Variants in ZC3H13 observed in about 807,000 individuals in gnomAD.
ZC3H13 encodes the protein zinc finger CCCH domain-containing protein 13.
In ZC3H13, 64 loss-of-function variants were observed where a neutral mutation model predicts 204.1. The ratio of observed to expected loss-of-function variants is 0.31; its 90% CI spans 0.26 to 0.39. The LOEUF is 0.39. Among genes scored for constraint, ZC3H13 ranks in the 10% least tolerant of loss-of-function variants. The probability of loss-of-function intolerance (pLI) is 1.00; values close to 1 mark genes in which losing one functional copy is unlikely to be tolerated. For missense variants in ZC3H13, 1,833 were observed against 2,082.7 expected, an observed-to-expected ratio of 0.88 and a Z score of 2.33; for synonymous variants, 667 against 693.7, an observed-to-expected ratio of 0.96 and a Z score of 0.60.
In ZC3H13 at chr13:45,954,677, T is replaced by C. The variant is rs1951194083; in HGVS notation, c.*2450A>G. On this transcript the variant is annotated 3_prime_UTR_variant, in exon 19 of 19. Coordinates refer to ENST00000679008, the MANE Select transcript of ZC3H13 (RefSeq NM_001330564.2). ...TGTAAAAGCATCACCAACAATAGTA[T>C]GTACCTTAATCTTTACACAATTGGA... The C allele has an allele frequency of 6.6e-6, 1 of 152,352 alleles. No homozygotes were observed. Among genetic ancestry groups the C allele is most frequent in the African/African-American group, 2.4e-5 (1 of 41,588 alleles). The allele number at this position is 152,352 out of a possible 1,614,324, so 9.4% of individuals were successfully genotyped here. A position where few individuals can be genotyped will look rare whatever the true frequency, so the allele number is the denominator to read the frequency against.
At chr13:46,014,069 C>T (rs763603315) in intron 5 of ZC3H13, among the ~76,000 whole-genome samples, 5 of 152,180 alleles carry the variant, frequency 3.3e-5, no homozygotes, top group Non-Finnish European at 7.4e-5. Context: ...AGTAGCAATG[C>T]AAACTAGTAC....
chr13:45,970,934 T>G (rs1033758258), intron 12 of ZC3H13, among the ~76,000 whole-genome samples: 1 of 152,204 alleles, frequency 6.6e-6, no homozygotes, highest in Non-Finnish European at 1.5e-5. Flanking sequence ...CAGCCTTAAG[T>G]AAGTTCCTTG....
chr13:46,008,357 A>T (rs1468448614), intron 7 of ZC3H13, among the ~76,000 whole-genome samples: 1 of 152,032 alleles, frequency 6.6e-6, no homozygotes, highest in East Asian at 1.9e-4. Context: ...TACTCAATTA[A>T]ATGTTTTCTT....
intron 8 of ZC3H13, among the ~76,000 whole-genome samples, chr13:45,995,948 G>A (rs1297659698): frequency 6.6e-6 from 1 of 152,160 alleles, no homozygotes; most frequent in Non-Finnish European, 1.5e-5. Flanking sequence ...GCTATGCTCT[G>A]AGTACTATTT....
intron 8 of ZC3H13, among the ~76,000 whole-genome samples, chr13:45,993,310 G>A (rs2040097479): frequency 6.6e-6 from 1 of 152,128 alleles, no homozygotes; most frequent in Admixed American, 6.5e-5. Flanking sequence ...TCTAGCCCTT[G>A]ATCACAAAAC....
chr13:46,039,561 A>G (rs984975531), intron 4 of ZC3H13, among the ~76,000 whole-genome samples: 10 of 152,206 alleles, frequency 6.6e-5, no homozygotes, highest in Non-Finnish European at 1.5e-4. Flanking sequence ...TATGGATTCC[A>G]GATGTTTGCT....
In ZC3H13 at chr13:45,960,857, A is replaced by T. The variant is rs368914208; in HGVS notation, c.4676-1211T>A. Reference sequence around the variant, plus strand: ...ACTGAGAACAAAATGAAGCTGCAATACATAGCCGATTTCAATTTTCTGGGC... The same window carrying T: ...ACTGAGAACAAAATGAAGCTGCAATTCATAGCCGATTTCAATTTTCTGGGC... On this transcript the variant is annotated intron_variant, in intron 17 of 18. Transcript: ENST00000679008. Among the ~76,000 whole-genome samples, 17 of 152,370 alleles carry T rather than the reference A, an allele frequency of 1.1e-4. No individual in the cohort carries two copies. The East Asian group carries it at 1.2e-3, about 10-fold the overall frequency.
chr13:46,015,107 T>G (rs775062158), intron 5 of ZC3H13, among the ~76,000 whole-genome samples: 10 of 152,196 alleles, frequency 6.6e-5, no homozygotes, highest in Non-Finnish European at 1.2e-4. Flanking sequence ...GTATAATTTC[T>G]ATTTCTAATA....
intron 7 of ZC3H13, among the ~76,000 whole-genome samples, chr13:46,004,558 A>T (rs543510967): frequency 1.8e-3 from 272 of 152,236 alleles, no homozygotes; most frequent in African/African-American, 6.1e-3. Context: ...ATTTTTTTTA[A>T]AAAAGCAGAT....
chr13:46,036,595 C>G (rs999613076), intron 4 of ZC3H13, among the ~76,000 whole-genome samples: 3 of 151,900 alleles, frequency 2.0e-5, no homozygotes, highest in African/African-American at 7.3e-5. Context: ...AAAAACAAAA[C>G]CTCTAAAAAT....
At chr13:46,041,228 T>G (rs1417710541) in intron 4 of ZC3H13, among the ~76,000 whole-genome samples, 3 of 152,142 alleles carry the variant, frequency 2.0e-5, no homozygotes, top group African/African-American at 7.2e-5. Flanking sequence ...ATCAATACAA[T>G]GTAATATTAT....
rs996095768 is a variant in ZC3H13 at position 46,010,640 on chromosome 13, A to G, written c.589-135T>C. 4.2e-5 allele frequency: 36 copies of G among 860,062 alleles called. No individual in the cohort carries two copies. The African/African-American group carries it at 5.4e-4, about 13-fold the overall frequency. The allele number at this position is 860,062 out of a possible 1,614,324, so 53.3% of individuals were successfully genotyped here. A position where few individuals can be genotyped will look rare whatever the true frequency, so the allele number is the denominator to read the frequency against. ...GCCGGGTGCAGTGGTTCACACCTGT[A>G]ATCCCAGTTTCTCGAGAGGCTGAGG... On this transcript the variant is annotated intron_variant, in intron 6 of 18. Transcript: ENST00000679008.
rs532703708 is a variant in ZC3H13 at position 46,010,465 on chromosome 13, G to A, written c.629C>T (p.Pro210Leu). Reference protein sequence around the residue: ...EVVRSKLSPSPSLRKSSKSPK... With the variant: ...EVVRSKLSPSLSLRKSSKSPK... ...AGATTTGCTAGACTTTCTTAGAGAA[G>A]GTGACGGGGACAATTTTGATCTAAC... The change falls in exon 7 of 19, where the codon CCT (proline) becomes CTT (leucine). Residue 210 changes from proline (P) to leucine (L), a missense_variant. Physicochemically the swap from Pro to Leu is moderately conservative, Grantham distance 98 (BLOSUM62 -3). Transcript: ENST00000679008. 7 of 1,613,596 alleles carry A rather than the reference G, an allele frequency of 4.3e-6. No individual in the cohort carries two copies. In the Admixed American group the frequency reaches 1.0e-4, roughly 23 times the overall value.
At chr13:46,032,376 AAAAC>A (rs2042956421) in intron 4 of ZC3H13, among the ~76,000 whole-genome samples, 2 of 148,470 alleles carry the variant, frequency 1.3e-5, no homozygotes, top group Non-Finnish European at 3.0e-5. Flanking sequence ...AAAAAAAAAA[AAAAC>A]AGAGAAAATG....
At chr13:45,964,195 T>C (rs1037346521) in intron 16 of ZC3H13, among the ~76,000 whole-genome samples, 153 bp from the exon 17 acceptor site, 1 of 152,206 alleles carries the variant, frequency 6.6e-6, no homozygotes, top group Non-Finnish European at 1.5e-5. Flanking sequence ...AGCCTTCCCA[T>C]ATAATACTCA....
At position 45,965,307 on chromosome 13, in the gene ZC3H13, C is replaced by T. The variant is rs755234815; in HGVS notation, c.4447G>A (p.Asp1483Asn). ...GGCATCTTCTCCTCATCCTGTTGGT[C>T]CTCCCTCTTTTCTGCATCACCTGCC... is the stretch of plus-strand genomic sequence containing the variant. ...ILAGDAEKREDQQDEEKMPDP... is the reference protein window; with the variant it reads ...ILAGDAEKRENQQDEEKMPDP... Residue 1483 changes from aspartate to asparagine, a missense_variant, in exon 16 of 19, where the codon GAC becomes AAC. Physicochemically the swap from Asp to Asn is conservative, Grantham distance 23. This residue lies in a region of ZC3H13 where 211 missense variants were observed against 228.4 expected (regional missense o/e 0.92). Transcript: ENST00000679008. 17 of 1,613,516 alleles carry T rather than the reference C, an allele frequency of 1.1e-5. No individual in the cohort carries two copies. In the East Asian group the frequency reaches 3.3e-4, roughly 32 times the overall value.
Position 46,040,193 on chromosome 13 carries a change from TA to T in ZC3H13, c.339+1970del, listed in dbSNP as rs776517081. 4.6e-5 allele frequency among the ~76,000 whole-genome samples: 7 copies of T among 152,204 alleles called. 1 individual carries two copies. In the East Asian group the frequency reaches 7.7e-4, roughly 17 times the overall value. ...TGTATAACATTAGACATTAGAAAAC[TA>T]AATACTTAAAACTGTATTGTAAGAA... On this transcript the variant is annotated intron_variant, in intron 4 of 18. Transcript: ENST00000679008.
rs751388625 is a variant in ZC3H13, at chr13:45,969,481, T to G, written c.3063A>C (p.Ala1021=). The change falls in exon 14 of 19, where the codon GCA becomes GCC. Residue 1021 remains alanine (A), a synonymous_variant. Coordinates refer to ENST00000679008, the MANE Select transcript of ZC3H13 (RefSeq NM_001330564.2). ...KGDSDISDEE[A]AQQSKKKRGP... Reference sequence around the variant, plus strand: ...CTCTTTTCTTCTTACTTTGCTGGGCTGCTTCTTCATCAGAAATATCAGAAT... The same window carrying G: ...CTCTTTTCTTCTTACTTTGCTGGGCGGCTTCTTCATCAGAAATATCAGAAT... The G allele has an allele frequency of 6.2e-7, 1 of 1,610,290 alleles. No individual in the cohort carries two copies.
intron 5 of ZC3H13, among the ~76,000 whole-genome samples, chr13:46,017,880 G>A (rs1235782136): frequency 6.6e-6 from 1 of 151,970 alleles, no homozygotes; most frequent in African/African-American, 2.4e-5. Flanking sequence ...ATACACAATG[G>A]TCAAAAACTG....
Sources: allele counts gnomAD v4.1 joint callset (sites outside exome capture counted in the v4.1 genomes callset), GRCh38; gene constraint gnomAD v4.1.1; regional missense constraint gnomAD v4.1.1; transcripts MANE v1.5; gene names NCBI Gene and HGNC (gene_info 2026-07-23, HGNC 2026-07-21).